The following COL5A3 variants were observed in gnomAD, a reference collection of about 807,000 sequenced individuals.
COL5A3 encodes the protein collagen alpha-3(V) chain.
In COL5A3, 172 loss-of-function variants were observed where a neutral mutation model predicts 250.0. The ratio of observed to expected loss-of-function variants is 0.69; its 90% CI spans 0.61 to 0.78. COL5A3 has a LOEUF of 0.78. Among genes scored for constraint, COL5A3 ranks in the 30% least tolerant of loss-of-function variants. The probability of loss-of-function intolerance (pLI) is 0.00; values close to 1 mark genes in which losing one functional copy is unlikely to be tolerated. For missense variants in COL5A3, 2,340 were observed against 2,334.4 expected (o/e 1.00, Z -0.05); for synonymous variants, 937 against 900.4 (o/e 1.04, Z -0.73).
chr19:9,976,526 C>G (rs2086924767), intron 45 of COL5A3, 32 bp downstream of exon 45: 6 of 1,535,164 alleles, frequency 3.9e-6, no homozygotes, highest in African/African-American at 2.8e-5. Context: ...TTCAAGGACC[C>G]AGAGAAGGAC....
At chr19:9,966,479 C>T in intron 63 of COL5A3, 53 bp from the exon 64 acceptor site, 1 of 1,564,704 alleles carries the variant, frequency 6.4e-7, no homozygotes, top group South Asian at 1.2e-5. Flanking sequence ...CGACGGACCC[C>T]AACCCCCCCC....
At chr19:9,999,795 G>C (rs73504952) in intron 8 of COL5A3, among the ~76,000 whole-genome samples, 5,308 of 152,122 alleles carry the variant, frequency 0.035, 310 homozygotes, top group African/African-American at 0.12. Context: ...CTAGAGAAAG[G>C]TCTTGCTCTG....
intron 9 of COL5A3, 31 bp downstream of exon 9, chr19:9,998,071 T>C (rs2145131584): frequency 6.2e-7 from 1 of 1,613,928 alleles, no homozygotes; most frequent in Non-Finnish European, 8.5e-7. Flanking sequence ...TCATGAAGCC[T>C]CTCAACCCCC....
chr19:9,996,570 C>T, intron 12 of COL5A3, 45 bp downstream of exon 12: 1 of 1,613,084 alleles, frequency 6.2e-7, no homozygotes, highest in Non-Finnish European at 8.5e-7. Context: ...CCTCCTGGAT[C>T]AGGACTCCAC....
intron 30 of COL5A3, 149 bp from the exon 31 acceptor site, chr19:9,986,044 A>G: frequency 1.3e-6 from 1 of 751,790 alleles, no homozygotes; most frequent in Admixed American, 2.2e-5. Flanking sequence ...TGCTAGGGGC[A>G]TGTCCTTGGG....
chr19:9,993,741 C>T lies in COL5A3; in HGVS notation c.1641+12G>A. The T allele has an allele frequency of 6.2e-7, 1 of 1,614,100 alleles. No individual in the cohort carries two copies. The highest frequency in any genetic ancestry group is 8.5e-7 in the Non-Finnish European group (1 of 1,179,986). ...GCTCCCACCAAGTCTTATCTCAGCC[C>T]CCATCACCTACCTTAGGTCCAGTGT... On this transcript the variant is annotated intron_variant, in intron 17 of 66. Transcript: ENST00000264828.
Position 9,960,290 on chromosome 19 carries a change from G to A in COL5A3, c.*121C>T, listed in dbSNP as rs1255188411. 32 of 1,205,430 alleles carry A rather than the reference G, an allele frequency of 2.7e-5. No individual in the cohort carries two copies. Among genetic ancestry groups the A allele is most frequent in the African/African-American group, 4.5e-5 (3 of 66,130 alleles). The allele number at this position is 1,205,430 out of a possible 1,614,324, so 74.7% of individuals were successfully genotyped here. A position where few individuals can be genotyped will look rare whatever the true frequency, so the allele number is the denominator to read the frequency against. On this transcript the variant is annotated 3_prime_UTR_variant, in exon 67 of 67. Transcript: ENST00000264828. The stretch of plus-strand genomic sequence containing the variant: ...GAAGGAATGACTGTCCGTGATGAGC[G>A]AAGTCACATCCCATTGGCTCCATAG...
chr19:9,988,855 A>AAAAAAAGAGAGAGAGAG (rs1269531312), intron 27 of COL5A3, among the ~76,000 whole-genome samples: 22 of 104,752 alleles, frequency 2.1e-4, no homozygotes, highest in Non-Finnish European at 2.6e-4. Flanking sequence ...AAAAAAAAAA[A>AAAAAAAGAGAGAGAGAG]AAAGAAAGTA....
chr19:9,991,815 C>G lies in COL5A3; in HGVS notation c.1920G>C (p.Pro640=), dbSNP rs769567123. The G allele has an allele frequency of 2.5e-6, 4 of 1,608,716 alleles. No homozygotes were observed. Among genetic ancestry groups the G allele is most frequent in the Non-Finnish European group, 2.5e-6 (3 of 1,177,754 alleles). Residue 640 remains proline, a synonymous_variant, in exon 23 of 67, where the codon CCG becomes CCC. Transcript: ENST00000264828. ...NVGPPGEPGP[P]GQQGNHGSQG... ...GGGACCCATGGTTTCCCTGCTGTCC[C>G]GGAGGGCCTGGTTCTCCTGGAGGAC...
At chr19:10,006,531 A>T (rs551468301) in intron 1 of COL5A3, among the ~76,000 whole-genome samples, 1 of 152,198 alleles carries the variant, frequency 6.6e-6, no homozygotes, top group South Asian at 2.1e-4. Context: ...TCCTGGCCTA[A>T]GCCCCAGAGT....
In COL5A3 at chr19:9,966,548, G is replaced by A. The variant is rs868593655; in HGVS notation, c.4657C>T (p.His1553Tyr). ...GACCGGACCTCACCATCAGGCAGGT[G>A]CGGGTGGTTGCGGTGCAGCTCGTGG... ...VCHELHRNHPHLPDGEYWIDP... is the reference protein window; with the variant it reads ...VCHELHRNHPYLPDGEYWIDP... Residue 1553 changes from histidine to tyrosine, a missense_variant, in exon 63 of 67, where the codon CAC becomes TAC. By Grantham distance (83) the His-to-Tyr change is moderately conservative. Coordinates refer to ENST00000264828, the MANE Select transcript of COL5A3 (RefSeq NM_015719.4). 16 of 1,543,728 alleles carry A rather than the reference G, an allele frequency of 1.0e-5. No individual in the cohort carries two copies. The African/African-American group carries it at 1.4e-4, about 13-fold the overall frequency.
chr19:9,983,681 GAA>G (rs1294763440), intron 31 of COL5A3, among the ~76,000 whole-genome samples: 1 of 109,690 alleles, frequency 9.1e-6, no homozygotes, highest in East Asian at 2.7e-4. Context: ...GAAAAAAGAA[GAA>G]AGAAAGAAGG....
intron 41 of COL5A3, 129 bp downstream of exon 41, chr19:9,978,445 A>G: frequency 1.5e-6 from 1 of 671,394 alleles, no homozygotes; most frequent in South Asian, 1.7e-5. Context: ...GCTGATCTTG[A>G]ACTCCTGACC....
In COL5A3 at chr19:9,996,252, T is replaced by C; in HGVS notation, c.1433A>G (p.Lys478Arg). 1 of 1,573,824 alleles carries C rather than the reference T, an allele frequency of 6.4e-7. No individual in the cohort carries two copies. Among genetic ancestry groups the C allele is most frequent in the Non-Finnish European group, 8.6e-7 (1 of 1,162,392 alleles). Residue 478 changes from lysine to arginine, a missense_variant, in exon 14 of 67, where the codon AAA (lysine) becomes AGA (arginine). Around this residue, in one of 3 missense-constraint regions of COL5A3, gnomAD observed 1,152 missense variants for 1,146.3 expected, o/e 1.00. Transcript: ENST00000264828. ...GAGCCCCACTGGACCAGGGGGGCCT[T>C]TCATAGAGAGCTGGAAAGACAGAGG... ...AVLQQTQLSM[K>R]GPPGPVGLTG...
chr19:9,991,932 G>C (rs1052721126), intron 22 of COL5A3, 72 bp downstream of exon 22: 23 of 1,570,902 alleles, frequency 1.5e-5, no homozygotes, highest in African/African-American at 5.4e-5. Flanking sequence ...AGTCATGGAA[G>C]GGAATAGGGA....
In COL5A3 at chr19:10,006,133, G is replaced by A. The variant is rs769312436; in HGVS notation, c.187C>T (p.Arg63Trp). The A allele has an allele frequency of 1.7e-5, 27 of 1,613,302 alleles. No individual in the cohort carries two copies. The highest frequency in any genetic ancestry group is 1.7e-4 in the Middle Eastern group (1 of 6,060). The change falls in exon 2 of 67, where the codon CGG becomes TGG. Residue 63 changes from arginine to tryptophan, a missense_variant. By Grantham distance (101) the Arg-to-Trp change is moderately radical (BLOSUM62 -3). Around this residue, in one of 3 missense-constraint regions of COL5A3, gnomAD observed 1,152 missense variants for 1,146.3 expected, o/e 1.00. Transcript: ENST00000264828. ...FCPQRTPEGD[R>W]AFRIGQASTL... Reference sequence around the variant, plus strand: ...CTGGCCTGGCCAATTCTGAATGCCCGGTCACCCTCTGGAGTCCTCTGGGGA... The same window carrying A: ...CTGGCCTGGCCAATTCTGAATGCCCAGTCACCCTCTGGAGTCCTCTGGGGA...
At chr19:9,964,376 G>A (rs975697679) in intron 64 of COL5A3, among the ~76,000 whole-genome samples, 1 of 152,076 alleles carries the variant, frequency 6.6e-6, no homozygotes, top group South Asian at 2.1e-4. Flanking sequence ...AATGCAGGAG[G>A]ATCTCTTGAG....
At position 9,960,671 on chromosome 19, in the gene COL5A3, C is replaced by T. The variant is rs2277969; in HGVS notation, c.5071G>A (p.Val1691Ile). ...CTTACCCGGCAGCCATCCTGGGGGA[C>T]GCTGACAGTGGCTGCTGTCGTCTGG... The part of the protein sequence containing the change: ...FNQTTAATVS[V>I]PQDGCRLRKG... The change falls in exon 66 of 67, where the codon GTC (valine) becomes ATC (isoleucine). Residue 1691 changes from valine (V) to isoleucine (I), a missense_variant. By Grantham distance (29) the Val-to-Ile change is conservative. This residue lies in a region of COL5A3 where 1,179 missense variants were observed against 1,162.6 expected (regional missense o/e 1.01). Coordinates refer to ENST00000264828, the MANE Select transcript of COL5A3 (RefSeq NM_015719.4). 0.2 allele frequency: 327,129 copies of T among 1,613,620 alleles called. 34,834 individuals carry two copies. The highest frequency in any genetic ancestry group is 0.34 in the African/African-American group (25,829 of 74,932).
intron 35 of COL5A3, among the ~76,000 whole-genome samples, 184 bp downstream of exon 35, chr19:9,980,464 C>A (rs1052436863): frequency 6.6e-6 from 1 of 152,112 alleles, no homozygotes; most frequent in Non-Finnish European, 1.5e-5. Context: ...TGGGCTCAAG[C>A]AATTCTCTCA....
Sources: allele counts gnomAD v4.1 joint callset (sites outside exome capture counted in the v4.1 genomes callset), GRCh38; gene constraint gnomAD v4.1.1; regional missense constraint gnomAD v4.1.1; transcripts MANE v1.5; gene names NCBI Gene and HGNC (gene_info 2026-07-23, HGNC 2026-07-21).